Variants in SKI observed in about 807,000 individuals in gnomAD.
SKI encodes the protein ski oncogene.
SKI carries 23 observed loss-of-function variants against 59.3 expected under a neutral mutation model. The ratio of observed to expected loss-of-function variants is 0.39; its 90% confidence interval spans 0.28 to 0.55. The LOEUF (loss-of-function observed/expected upper bound fraction) is 0.55, where lower values mean the gene tolerates loss of function less well. Ranked by LOEUF, SKI falls within the 20% of genes least tolerant of loss-of-function variation. The pLI, the probability that SKI is intolerant of heterozygous loss-of-function variation, is 0.67. For missense variants in SKI, 1,017 were observed against 1,038.9 expected, an observed-to-expected ratio of 0.98 and a Z score of 0.29; for synonymous variants, 673 against 488.6, an observed-to-expected ratio of 1.38 and a Z score of -4.98.
intron 1 of SKI, among the ~76,000 whole-genome samples, chr1:2,231,243 C>A (rs1210335693): frequency 6.6e-6 from 1 of 152,100 alleles, no homozygotes; most frequent in Non-Finnish European, 1.5e-5. Context: ...ATTGTGGGCT[C>A]GTGCAGGCTG....
rs528051602 is a variant in SKI, at chr1:2,229,033, C to G, written c.267C>G (p.Pro89=). Residue 89 remains proline (P), a synonymous_variant, in exon 1 of 7, where the codon CCC becomes CCG. Transcript: ENST00000378536. The surrounding 1 kb of genome is among the most constrained non-coding windows in gnomAD (Gnocchi z 6.3). ...CGCCGCCGCCCGTGCTGCCCGGGCCCTTCTTCATGCCGTCCGACCGCTCCA... is the reference window on the plus strand; with the variant it reads ...CGCCGCCGCCCGTGCTGCCCGGGCCGTTCTTCATGCCGTCCGACCGCTCCA... The part of the protein sequence containing the change: ...IQPPPPVLPG[P]FFMPSDRSTE... 1.2e-6 allele frequency: 2 copies of G among 1,600,946 alleles called. No homozygotes were observed. The highest frequency in any genetic ancestry group is 1.7e-4 in the Middle Eastern group (1 of 5,980).
Position 2,306,586 on chromosome 1 carries a change from C to G in SKI, c.2008C>G (p.Leu670Val). The G allele has an allele frequency of 6.5e-7, 1 of 1,543,030 alleles. No individual in the cohort carries two copies. The highest frequency in any genetic ancestry group is 8.7e-7 in the Non-Finnish European group (1 of 1,145,518). The change falls in exon 7 of 7, where the codon CTG (leucine) becomes GTG (valine). Residue 670 changes from leucine to valine, a missense_variant. Coordinates refer to ENST00000378536, the MANE Select transcript of SKI (RefSeq NM_003036.4). Reference protein sequence around the residue: ...RAKYSAQIEDLQVKLQHAEAD... With the variant: ...RAKYSAQIEDVQVKLQHAEAD... ...CTCGGCTCCCTTTCAGATCGAAGAC[C>G]TGCAGGTGAAGCTGCAGCACGCGGA...
Position 2,259,439 on chromosome 1 carries a change from C to A in SKI, c.969+29704C>A, listed in dbSNP as rs372594450. Reference sequence around the variant, plus strand: ...CAGAAGCCGTGGTGGTTTCATGCCACCAGTTTACCTTTGTCCTGAGCTGTG... The same window carrying A: ...CAGAAGCCGTGGTGGTTTCATGCCAACAGTTTACCTTTGTCCTGAGCTGTG... On this transcript the variant is annotated intron_variant, in intron 1 of 6. Coordinates refer to ENST00000378536, the MANE Select transcript of SKI (RefSeq NM_003036.4). Among the ~76,000 whole-genome samples, 12 of 152,270 alleles carry A rather than the reference C, an allele frequency of 7.9e-5. No individual in the cohort carries two copies. In the East Asian group the frequency reaches 1.4e-3, roughly 17 times the overall value.
At position 2,262,522 on chromosome 1, in the gene SKI, C is replaced by G. The variant is rs555951692; in HGVS notation, c.969+32787C>G. Among the ~76,000 whole-genome samples the G allele has an allele frequency of 1.0e-3, 158 of 151,534 alleles. 1 individual carries two copies. Among genetic ancestry groups the G allele is most frequent in the African/African-American group, 3.7e-3 (154 of 41,274 alleles). ...TTGGGTGGGAGTGGACGCCCTCGCT[C>G]CTGATCTCCTGGTCTGGAAGGCGTG... On this transcript the variant is annotated intron_variant, in intron 1 of 6. Coordinates refer to ENST00000378536, the MANE Select transcript of SKI (RefSeq NM_003036.4).
chr1:2,289,620 T>TGG (rs1640119334), intron 1 of SKI, among the ~76,000 whole-genome samples: 1 of 34,226 alleles, frequency 2.9e-5, no homozygotes, highest in Non-Finnish European at 5.5e-5. Context: ...ACCAAGATCG[T>TGG]GGGGGTGGGG....
chr1:2,233,157 T>G (rs1020830106), intron 1 of SKI, among the ~76,000 whole-genome samples: 7 of 151,304 alleles, frequency 4.6e-5, no homozygotes, highest in African/African-American at 1.7e-4. Flanking sequence ...CGTGCTTCCC[T>G]TGGGCCGTGG....
At chr1:2,306,437 G>A (rs923909303) in intron 6 of SKI, 140 bp from the exon 7 acceptor site, 4 of 1,024,764 alleles carry the variant, frequency 3.9e-6, no homozygotes, top group Non-Finnish European at 5.6e-6. Context: ...GTGAGCCTGT[G>A]TCCTAGCAGG....
At chr1:2,295,097 T>G (rs951286294) in intron 1 of SKI, among the ~76,000 whole-genome samples, 1 of 152,264 alleles carries the variant, frequency 6.6e-6, no homozygotes. Context: ...GAAGTTGCAC[T>G]GTGGGCTTTG....
Position 2,228,608 on chromosome 1 carries a change from C to A in SKI, c.-159C>A, listed in dbSNP as rs1469418924. On this transcript the variant is annotated 5_prime_UTR_variant, in exon 1 of 7. Coordinates refer to ENST00000378536, the MANE Select transcript of SKI (RefSeq NM_003036.4). The stretch of plus-strand genomic sequence containing the variant: ...CGCCCCGCCCGCCTTCCCCTTCGCG[C>A]CCCCGGGCGAGGCCGCGGCCGTGAT... 1.7e-5 allele frequency: 3 copies of A among 180,556 alleles called. No individual in the cohort carries two copies. Among genetic ancestry groups the A allele is most frequent in the African/African-American group, 7.4e-5 (3 of 40,532 alleles). 11.2% of individuals were successfully genotyped at this position (180,556 alleles called of 1,614,324 possible).
At chr1:2,286,738 TCTCC>T in intron 1 of SKI, among the ~76,000 whole-genome samples, 1 of 152,104 alleles carries the variant, frequency 6.6e-6, no homozygotes, top group Non-Finnish European at 1.5e-5. Context: ...TGGGCGCCTG[TCTCC>T]CTCCCTCCCA....
rs1267544403 is a variant in SKI at position 2,270,246 on chromosome 1, G to A, written c.970-32732G>A. 6.6e-6 allele frequency among the ~76,000 whole-genome samples: 1 copy of A among 152,236 alleles called. No homozygotes were observed. The highest frequency in any genetic ancestry group is 1.5e-5 in the Non-Finnish European group (1 of 68,028). On this transcript the variant is annotated intron_variant, in intron 1 of 6. Transcript: ENST00000378536. The surrounding 1 kb of genome is among the most constrained non-coding windows in gnomAD (Gnocchi z 4.1). ...GGGCCCACTGGCTGGCGCTGCGTCT[G>A]GGTTCGGTCCTGGACCTGCTGCGTG...
chr1:2,259,991 TGTC>T (rs756763078), intron 1 of SKI, among the ~76,000 whole-genome samples: 3 of 152,240 alleles, frequency 2.0e-5, no homozygotes, highest in Non-Finnish European at 4.4e-5. Flanking sequence ...TACAAGTTGT[TGTC>T]GGGATACACG....
At chr1:2,232,316 G>A (rs536078185) in intron 1 of SKI, among the ~76,000 whole-genome samples, 10 of 152,300 alleles carry the variant, frequency 6.6e-5, no homozygotes, top group East Asian at 1.9e-4. Flanking sequence ...ATTGCCTTCC[G>A]GGTGTTTGTG....
At chr1:2,250,561 T>G (rs1194185809) in intron 1 of SKI, among the ~76,000 whole-genome samples, 3 of 152,234 alleles carry the variant, frequency 2.0e-5, no homozygotes, top group Admixed American at 1.3e-4. Context: ...GGCACTGGCC[T>G]CCTCTCGCCA....
intron 1 of SKI, among the ~76,000 whole-genome samples, chr1:2,274,581 G>A (rs1639701052): frequency 6.6e-6 from 1 of 152,256 alleles, no homozygotes. Context: ...CCCATGGCAG[G>A]AAGTCCCAGC....
Position 2,293,703 on chromosome 1 carries a change from T to C in SKI, c.970-9275T>C, listed in dbSNP as rs117822206. Among the ~76,000 whole-genome samples, 447 of 152,302 alleles carry C rather than the reference T, an allele frequency of 2.9e-3. 6 individuals carry two copies. In the East Asian group the frequency reaches 0.043, roughly 15 times the overall value. ...CTGCCCCTGTTCTTGGGCACTGCGT[T>C]GTGTTCTGTCTGGGATCCCCGTGCA... On this transcript the variant is annotated intron_variant, in intron 1 of 6. Coordinates refer to ENST00000378536, the MANE Select transcript of SKI (RefSeq NM_003036.4).
rs776475482 is a variant in SKI, at chr1:2,229,684, C to T, written c.918C>T (p.Asp306=). 9 of 1,602,760 alleles carry T rather than the reference C, an allele frequency of 5.6e-6. No individual in the cohort carries two copies. Among genetic ancestry groups the T allele is most frequent in the Admixed American group, 1.7e-5 (1 of 58,404 alleles). ...EQARLGRCLD[D]VKEKFDYGNK... ...CGCGCCTCGGCCGCTGCCTGGACGA[C>T]GTGAAGGAGAAATTCGACTATGGCA... is the stretch of plus-strand genomic sequence containing the variant. Residue 306 remains aspartate (D), a synonymous_variant, in exon 1 of 7, where the codon GAC becomes GAT. Coordinates refer to ENST00000378536, the MANE Select transcript of SKI (RefSeq NM_003036.4). This position sits in a 1 kb window ranked among gnomAD's most constrained non-coding sequence, Gnocchi z 6.3.
chr1:2,250,064 C>T (rs531678792), intron 1 of SKI, among the ~76,000 whole-genome samples: 18 of 152,112 alleles, frequency 1.2e-4, no homozygotes, highest in Admixed American at 5.2e-4. Context: ...GCCCACCACG[C>T]CCGGCTAATA....
Position 2,309,334 on chromosome 1 carries a change from G to T in SKI, c.*2569G>T, listed in dbSNP as rs1218663888. 1 of 151,060 alleles carries T rather than the reference G, an allele frequency of 6.6e-6. No individual in the cohort carries two copies. 9.4% of individuals were successfully genotyped at this position (151,060 alleles called of 1,614,324 possible). A position where few individuals can be genotyped will look rare whatever the true frequency, so the allele number is the denominator to read the frequency against. On this transcript the variant is annotated 3_prime_UTR_variant, in exon 7 of 7. Transcript: ENST00000378536. ...TTCTCATTATATTTCTATACTGAAA[G>T]AAGATTTTTAACGAAGGGAAAAACA... is the stretch of plus-strand genomic sequence containing the variant.
Sources: gnomAD v4.1 joint callset for allele counts (sites outside exome capture counted in the v4.1 genomes callset) on GRCh38, gnomAD v4.1.1 for gene constraint, Gnocchi (gnomAD v3.1) non-coding constraint, MANE v1.5 for transcripts, NCBI Gene and HGNC (gene_info 2026-07-23, HGNC 2026-07-21) for gene names.